The following CSMD1 variants were observed in gnomAD, a reference collection of about 807,000 sequenced individuals.
The protein encoded by CSMD1 is CUB and sushi domain-containing protein 1.
Under a neutral mutation model 417.5 loss-of-function variants are expected in CSMD1, and 213 were observed. The ratio of observed to expected loss-of-function variants is 0.51; its 90% confidence interval spans 0.46 to 0.57. The LOEUF (loss-of-function observed/expected upper bound fraction) is 0.57, where lower values mean the gene tolerates loss of function less well. CSMD1 is among the 20% of genes least tolerant of loss of function. CSMD1 has a pLI of 0.00. For synonymous variants in CSMD1, 2,862 were observed against 1,736.8 expected (o/e 1.65, Z -16.11); for missense variants, 6,923 against 4,529.7 (o/e 1.53, Z -15.17).
intron 12 of CSMD1, among the ~76,000 whole-genome samples, chr8:3,453,552 C>A (rs991746503): frequency 2.0e-5 from 3 of 152,118 alleles, no homozygotes; most frequent in African/African-American, 2.4e-5. Context: ...TTTATTTCTA[C>A]CTTCATTTCG....
At chr8:3,229,813 C>T (rs375789678) in intron 27 of CSMD1, among the ~76,000 whole-genome samples, 13 of 152,196 alleles carry the variant, frequency 8.5e-5, no homozygotes, top group South Asian at 6.2e-4. Flanking sequence ...AGGAAATATA[C>T]GGTAAATGTC....
At chr8:4,802,348 CGCGCGT>C (rs1563432249) in intron 1 of CSMD1, among the ~76,000 whole-genome samples, 34 of 140,790 alleles carry the variant, frequency 2.4e-4, no homozygotes, top group African/African-American at 1.0e-3. Context: ...TGAGTGTGTG[CGCGCGT>C]GTGTGTGTGT....
At chr8:3,822,368 T>C (rs1801785954) in intron 5 of CSMD1, among the ~76,000 whole-genome samples, 1 of 152,070 alleles carries the variant, frequency 6.6e-6, no homozygotes, top group Non-Finnish European at 1.5e-5. Flanking sequence ...TTGAACTGTA[T>C]CTATGAAGCA....
At chr8:4,297,103 T>C (rs1212126155) in intron 3 of CSMD1, among the ~76,000 whole-genome samples, 3 of 151,930 alleles carry the variant, frequency 2.0e-5, no homozygotes, top group Admixed American at 6.6e-5. Context: ...CTCTAGAGCA[T>C]CGTAGGTGTA....
At chr8:4,516,781 T>C (rs1189984560) in intron 2 of CSMD1, among the ~76,000 whole-genome samples, 1 of 152,188 alleles carries the variant, frequency 6.6e-6, no homozygotes, top group African/African-American at 2.4e-5. Context: ...TCATGTAAAG[T>C]TCTTGTTGAC....
intron 3 of CSMD1, among the ~76,000 whole-genome samples, chr8:4,326,000 G>A (rs1300417212): frequency 6.6e-6 from 1 of 152,110 alleles, no homozygotes; most frequent in Non-Finnish European, 1.5e-5. Context: ...TACGAACTCA[G>A]TAAAGACGTT....
intron 1 of CSMD1, among the ~76,000 whole-genome samples, chr8:4,720,569 C>G (rs930799045): frequency 3.3e-5 from 5 of 152,180 alleles, no homozygotes; most frequent in African/African-American, 1.2e-4. Flanking sequence ...AGGCACATGC[C>G]ACCATGCCAG....
chr8:4,853,624 T>C (rs190255441), intron 1 of CSMD1, among the ~76,000 whole-genome samples: 89 of 152,258 alleles, frequency 5.8e-4, no homozygotes, highest in Non-Finnish European at 1.0e-3. Context: ...AAATGTGGCA[T>C]TGGAACCCCA....
At chr8:4,678,426 G>A (rs1162016364) in intron 1 of CSMD1, among the ~76,000 whole-genome samples, 3 of 151,570 alleles carry the variant, frequency 2.0e-5, no homozygotes, top group Admixed American at 6.6e-5. Flanking sequence ...CAAAAAAAAA[G>A]AATTTGTTAA....
chr8:4,353,255 G>C (rs117784699), intron 3 of CSMD1, among the ~76,000 whole-genome samples: 4 of 152,092 alleles, frequency 2.6e-5, no homozygotes, highest in Admixed American at 6.6e-5. Flanking sequence ...TCTTCTGGTA[G>C]TAAGTCTCAG....
At chr8:3,611,183 G>A (rs150779447) in intron 8 of CSMD1, among the ~76,000 whole-genome samples, 149 of 151,656 alleles carry the variant, frequency 9.8e-4, no homozygotes, top group Middle Eastern at 3.4e-3. Flanking sequence ...GTATACATAC[G>A]TAACTAACCT....
At chr8:4,176,764 G>A (rs1305992943) in intron 3 of CSMD1, among the ~76,000 whole-genome samples, 2 of 149,660 alleles carry the variant, frequency 1.3e-5, no homozygotes, top group African/African-American at 4.9e-5. Context: ...AACAAAAAAA[G>A]GCAGGGGTTG....
At chr8:3,475,979 A>T (rs964368561) in intron 11 of CSMD1, among the ~76,000 whole-genome samples, 1 of 152,208 alleles carries the variant, frequency 6.6e-6, no homozygotes, top group African/African-American at 2.4e-5. Flanking sequence ...GAACAATTTC[A>T]TCTCTGATCA....
intron 3 of CSMD1, among the ~76,000 whole-genome samples, chr8:4,414,004 C>A (rs1046661805): frequency 6.6e-6 from 1 of 152,144 alleles, no homozygotes. Context: ...TAATGGAGAG[C>A]CAGCTGCTCT....
At position 4,500,353 on chromosome 8, in the gene CSMD1, T is replaced by C. The variant is rs951523597; in HGVS notation, c.303-80288A>G. ...CCACACAGTAGAATCACTAAACATA[T>C]AATAATAAATTGAGACAAATGTGTT... On this transcript the variant is annotated intron_variant, in intron 2 of 69. Transcript: ENST00000635120. 2.6e-5 allele frequency among the ~76,000 whole-genome samples: 4 copies of C among 152,146 alleles called. No homozygotes were observed. In the East Asian group the frequency reaches 7.7e-4, roughly 29 times the overall value.
At chr8:2,940,429 G>T (rs2627273) in intron 69 of CSMD1, among the ~76,000 whole-genome samples, 56,386 of 151,992 alleles carry the variant, frequency 0.37, 11,196 homozygotes, top group East Asian at 0.62. Context: ...GTGTTAGGAA[G>T]GGAGGGAGTC....
chr8:3,901,151 G>A (rs1807723347), intron 5 of CSMD1, among the ~76,000 whole-genome samples: 1 of 152,156 alleles, frequency 6.6e-6, no homozygotes, highest in Admixed American at 6.6e-5. Context: ...TAACCGTGGA[G>A]AAATAGTATA....
At chr8:3,498,772 CT>C (rs1796471286) in intron 10 of CSMD1, among the ~76,000 whole-genome samples, 1 of 152,008 alleles carries the variant, frequency 6.6e-6, no homozygotes, top group African/African-American at 2.4e-5. Flanking sequence ...TTGATCTAGT[CT>C]GTTGTTGAAG....
intron 8 of CSMD1, 71 bp downstream of exon 8, chr8:3,616,639 T>G (rs1438950885): frequency 1.0e-6 from 1 of 1,001,664 alleles, no homozygotes; most frequent in East Asian, 2.5e-5. Flanking sequence ...AGAGTTAAAT[T>G]TAACTGCAAG....
Sources: gnomAD v4.1 joint callset for allele counts (sites outside exome capture counted in the v4.1 genomes callset) on GRCh38, gnomAD v4.1.1 for gene constraint, MANE v1.5 for transcripts, NCBI Gene and HGNC (gene_info 2026-07-23, HGNC 2026-07-21) for gene names.